MYCT1: variants seen among roughly 807,000 people sequenced by gnomAD.
The protein encoded by MYCT1 is myc target protein 1.
MYCT1 carries 12 observed loss-of-function variants against 15.0 expected under a neutral mutation model. The ratio of observed to expected loss-of-function variants is 0.80; its 90% confidence interval spans 0.51 to 1.29. The LOEUF is 1.29. Ranked by LOEUF, MYCT1 falls within the 50% of genes most tolerant of loss-of-function variation. MYCT1 has a pLI of 0.00. For missense variants in MYCT1, 287 were observed against 279.1 expected, an observed-to-expected ratio of 1.03 and a Z score of -0.20; for synonymous variants, 104 against 102.7, an observed-to-expected ratio of 1.01 and a Z score of -0.07.
intron 1 of MYCT1, among the ~76,000 whole-genome samples, chr6:152,717,814 C>T (rs78254099): frequency 4.6e-5 from 7 of 151,754 alleles, no homozygotes; most frequent in East Asian, 3.9e-4. Context: ...TTTCATGATG[C>T]GTGTACTCTA....
chr6:152,732,752 G>A, the MYCT1 span, among the ~76,000 whole-genome samples: 83 of 152,342 alleles, frequency 5.4e-4, no homozygotes, highest in African/African-American at 7.9e-4. Flanking sequence ...ACACAAAGAA[G>A]AGAAGGTGAT....
chr6:152,700,401 G>T (rs953373070), intron 1 of MYCT1, among the ~76,000 whole-genome samples: 3 of 152,022 alleles, frequency 2.0e-5, no homozygotes, highest in African/African-American at 7.2e-5. Context: ...ACACTTTAAG[G>T]TACAGAAAAA....
At chr6:152,745,254 A>G in the MYCT1 span, among the ~76,000 whole-genome samples, 2 of 152,194 alleles carry the variant, frequency 1.3e-5, no homozygotes, top group African/African-American at 2.4e-5. Flanking sequence ...TGGTGAGTAT[A>G]TATTTTCACA....
the MYCT1 span, among the ~76,000 whole-genome samples, chr6:152,731,815 T>G: frequency 1.1e-4 from 16 of 150,598 alleles, no homozygotes; most frequent in African/African-American, 3.9e-4. Context: ...TGGCGCGATA[T>G]CAGCTCGCTG....
At chr6:152,727,250 T>C (rs1295029158), downstream of MYCT1, among the ~76,000 whole-genome samples, 1 of 151,828 alleles carries the variant, frequency 6.6e-6, no homozygotes, top group East Asian at 1.9e-4. Context: ...CTAAACCTCA[T>C]TTGTGCCCAT....
chr6:152,706,568 T>C lies in MYCT1; in HGVS notation c.196+8470T>C, dbSNP rs2129068899. Among the ~76,000 whole-genome samples, 3 of 152,192 alleles carry C rather than the reference T, an allele frequency of 2.0e-5. No homozygotes were observed. In the South Asian group the frequency reaches 6.2e-4, roughly 32 times the overall value. ...ACAAATATCCAATTATGTGACAACT[T>C]TTGTGTAATAAAAGTTTGTTTAAAG... On this transcript the variant is annotated intron_variant, in intron 1 of 1. Coordinates refer to ENST00000367245, the MANE Select transcript of MYCT1 (RefSeq NM_025107.3).
At chr6:152,729,104 C>G (rs2099726136), downstream of MYCT1, among the ~76,000 whole-genome samples, 1 of 152,100 alleles carries the variant, frequency 6.6e-6, no homozygotes, top group South Asian at 2.1e-4. Context: ...TGGAGAAACA[C>G]TCATGTTTTG....
intron 1 of MYCT1, among the ~76,000 whole-genome samples, chr6:152,701,723 G>A (rs548368215): frequency 2.0e-5 from 3 of 152,154 alleles, no homozygotes; most frequent in Non-Finnish European, 2.9e-5. Context: ...TTTCACTGCC[G>A]AAATCTCCTA....
chr6:152,728,987 G>A (rs936814507), downstream of MYCT1, among the ~76,000 whole-genome samples: 6 of 152,146 alleles, frequency 3.9e-5, no homozygotes, highest in Non-Finnish European at 8.8e-5. Context: ...GATTGACAAG[G>A]ATATCAAGAA....
At chr6:152,720,669 G>A (rs560049205) in intron 1 of MYCT1, among the ~76,000 whole-genome samples, 1 of 152,260 alleles carries the variant, frequency 6.6e-6, no homozygotes, top group Non-Finnish European at 1.5e-5. Flanking sequence ...GGACAAATAT[G>A]TGGAAAAGCT....
At chr6:152,713,177 T>C (rs1477583305) in intron 1 of MYCT1, among the ~76,000 whole-genome samples, 1 of 152,136 alleles carries the variant, frequency 6.6e-6, no homozygotes, top group Non-Finnish European at 1.5e-5. Flanking sequence ...CTCATTTTAA[T>C]TTCACTGTTA....
Position 152,724,115 on chromosome 6 carries a change from T to C in MYCT1, c.*1862T>C, listed in dbSNP as rs549102472. On this transcript the variant is annotated 3_prime_UTR_variant, in exon 2 of 2. Transcript: ENST00000367245. ...AGAGAAAGAGGGAGCAAGAAGAAAA[T>C]GGAAGAAAAAGGGAAAAAAGCTAAC... 1 of 151,530 alleles carries C rather than the reference T, an allele frequency of 6.6e-6. No homozygotes were observed. The highest frequency in any genetic ancestry group is 2.4e-5 in the African/African-American group (1 of 41,316). 9.4% of individuals were successfully genotyped at this position (151,530 alleles called of 1,614,324 possible).
downstream of MYCT1, among the ~76,000 whole-genome samples, chr6:152,724,980 AT>A (rs2099725386): frequency 6.6e-6 from 1 of 151,978 alleles, no homozygotes; most frequent in South Asian, 2.1e-4. Flanking sequence ...GGGAATAAGC[AT>A]TTTAAATAAT....
At chr6:152,737,835 A>G in the MYCT1 span, among the ~76,000 whole-genome samples, 20,156 of 152,078 alleles carry the variant, frequency 0.13, 2,843 homozygotes, top group African/African-American at 0.35. Context: ...CATTTAGTCA[A>G]TGACTGTTGA....
downstream of MYCT1, among the ~76,000 whole-genome samples, chr6:152,728,947 A>G (rs899237889): frequency 6.6e-6 from 1 of 152,176 alleles, no homozygotes; most frequent in Admixed American, 6.5e-5. Context: ...ATTCACAAAG[A>G]ATAGCAACAG....
chr6:152,721,024 C>T (rs909603324), intron 1 of MYCT1, among the ~76,000 whole-genome samples: 1 of 152,256 alleles, frequency 6.6e-6, no homozygotes, highest in African/African-American at 2.4e-5. Flanking sequence ...GTAGCCGAGG[C>T]TCTATGGAGG....
At chr6:152,725,447 T>TA, downstream of MYCT1, among the ~76,000 whole-genome samples, 1 of 152,322 alleles carries the variant, frequency 6.6e-6, no homozygotes, top group East Asian at 1.9e-4. Flanking sequence ...TCACATTAGC[T>TA]AATTATTATT....
intron 1 of MYCT1, among the ~76,000 whole-genome samples, chr6:152,699,215 G>A (rs1228099246): frequency 6.6e-6 from 1 of 152,072 alleles, no homozygotes; most frequent in Non-Finnish European, 1.5e-5. Context: ...TGCATGAAAA[G>A]AATTCACTCC....
chr6:152,740,464 G>A, the MYCT1 span, among the ~76,000 whole-genome samples: 3 of 151,968 alleles, frequency 2.0e-5, no homozygotes, highest in Admixed American at 6.6e-5. Flanking sequence ...TAGAATTTTT[G>A]GCAAACTGAC....
Sources: gnomAD v4.1 joint callset for allele counts (sites outside exome capture counted in the v4.1 genomes callset) on GRCh38, gnomAD v4.1.1 for gene constraint, MANE v1.5 for transcripts, NCBI Gene and HGNC (gene_info 2026-07-23, HGNC 2026-07-21) for gene names.